WAC: variants seen among roughly 807,000 people sequenced by gnomAD.
The protein encoded by WAC is WW domain containing adaptor with coiled-coil.
Under a neutral mutation model 79.6 loss-of-function variants are expected in WAC, and 11 were observed. The observed-to-expected ratio is 0.14, with a 90% confidence interval of 0.09 to 0.23. WAC has a LOEUF of 0.23. Ranked by LOEUF, WAC falls within the 10% of genes least tolerant of loss-of-function variation. WAC has a pLI of 1.00. For synonymous variants in WAC, 304 were observed against 276.9 expected (o/e 1.10, Z -0.97); for missense variants, 728 against 773.5 (o/e 0.94, Z 0.70).
intron 3 of WAC, among the ~76,000 whole-genome samples, chr10:28,536,522 T>A (rs1836685480): frequency 6.6e-6 from 1 of 152,212 alleles, no homozygotes; most frequent in Non-Finnish European, 1.5e-5. Context: ...AAAAAATTAT[T>A]TATGACTTAG....
intron 3 of WAC, among the ~76,000 whole-genome samples, chr10:28,545,012 G>T (rs534589431): frequency 7.0e-6 from 1 of 142,978 alleles, no homozygotes; most frequent in South Asian, 2.2e-4. Flanking sequence ...CTGCACTCCA[G>T]CCTGGGTGAC....
At chr10:28,566,233 ATGTT>A (rs368064816) in intron 3 of WAC, among the ~76,000 whole-genome samples, 41 of 152,192 alleles carry the variant, frequency 2.7e-4, no homozygotes, top group East Asian at 2.1e-3. Context: ...AATAAATTAA[ATGTT>A]TGTTAAGTGA....
chr10:28,557,504 TGAACATAGTGAGACCTTG>T (rs2132463763), intron 3 of WAC, among the ~76,000 whole-genome samples: 1 of 152,202 alleles, frequency 6.6e-6, no homozygotes, highest in East Asian at 1.9e-4. Context: ...AAGACCCACC[TGAACATAGTGAGACCTTG>T]TCTCTACAAA....
intron 3 of WAC, among the ~76,000 whole-genome samples, chr10:28,579,152 A>G (rs901806736): frequency 2.0e-5 from 3 of 151,910 alleles, no homozygotes; most frequent in Non-Finnish European, 4.4e-5. Flanking sequence ...ACTCACTGAT[A>G]CAGTATTTCT....
At chr10:28,611,671 G>A (rs1032448861) in intron 9 of WAC, 103 bp from the exon 10 acceptor site, 9 of 1,436,650 alleles carry the variant, frequency 6.3e-6, no homozygotes, top group Non-Finnish European at 3.8e-6. Flanking sequence ...GGGTGGGGGG[G>A]TTTAGAGTAA....
At chr10:28,599,216 CAACT>C (rs1236030926) in intron 7 of WAC, among the ~76,000 whole-genome samples, 1 of 152,078 alleles carries the variant, frequency 6.6e-6, no homozygotes, top group African/African-American at 2.4e-5. Flanking sequence ...TTTTTCTTAA[CAACT>C]AAATAATTTA....
intron 7 of WAC, among the ~76,000 whole-genome samples, chr10:28,604,842 A>G (rs1034701414): frequency 4.7e-4 from 71 of 152,172 alleles, no homozygotes; most frequent in African/African-American, 1.6e-3. Context: ...GTGTAAGGGC[A>G]CTCCAAACCA....
At chr10:28,567,216 TTATCTA>T (rs1412384616) in intron 3 of WAC, among the ~76,000 whole-genome samples, 12 of 151,944 alleles carry the variant, frequency 7.9e-5, no homozygotes, top group Non-Finnish European at 2.9e-5. Context: ...TGGGGGGACT[TTATCTA>T]AAGTTTTTGG....
chr10:28,609,926 C>CTTTTT (rs35905966), intron 8 of WAC, among the ~76,000 whole-genome samples: 8 of 115,674 alleles, frequency 6.9e-5, no homozygotes, highest in African/African-American at 2.7e-4. Context: ...TTCCTAAATA[C>CTTTTT]TTTTTTTTTT....
At chr10:28,585,168 C>A (rs1012636292) in intron 4 of WAC, among the ~76,000 whole-genome samples, 2 of 152,108 alleles carry the variant, frequency 1.3e-5, no homozygotes, top group Non-Finnish European at 2.9e-5. Context: ...TCAGGTAACA[C>A]ATACAGTAAT....
At chr10:28,556,528 T>G (rs1315686790) in intron 3 of WAC, among the ~76,000 whole-genome samples, 1 of 151,806 alleles carries the variant, frequency 6.6e-6, no homozygotes, top group Non-Finnish European at 1.5e-5. Flanking sequence ...TTTGTTGATT[T>G]TTTTCTTTTT....
chr10:28,575,054 A>T (rs762797617), intron 3 of WAC, among the ~76,000 whole-genome samples: 23 of 152,196 alleles, frequency 1.5e-4, no homozygotes, highest in Non-Finnish European at 2.2e-4. Context: ...GTACTTGTTT[A>T]TTATTAGTAT....
chr10:28,536,015 G>T, intron 3 of WAC: 1 of 227,550 alleles, frequency 4.4e-6, no homozygotes, highest in Non-Finnish European at 8.6e-6. Flanking sequence ...GCCGAGGCGG[G>T]CAGATCACCT....
rs773667475 is a variant in WAC at position 28,596,069 on chromosome 10, G to A, written c.919+28G>A. ...ATGCCATTATTACTAGATGCTGCAC[G>A]TTGAACTATAGTTTCTAAGTTTCTT... On this transcript the variant is annotated intron_variant, in intron 7 of 13. Coordinates refer to ENST00000354911, the MANE Select transcript of WAC (RefSeq NM_016628.5). 3.7e-5 allele frequency: 59 copies of A among 1,588,968 alleles called. 1 individual carries two copies. Among genetic ancestry groups the A allele is most frequent in the Middle Eastern group, 1.7e-4 (1 of 5,956 alleles).
rs532442213 is a variant in WAC, at chr10:28,582,146, T to C, written c.275-1253T>C. On this transcript the variant is annotated intron_variant, in intron 3 of 13. Transcript: ENST00000354911. ...AGTTTCCATTATAAGCAGACCCTTATCTGAGGGTAAATCTTGGCCATTGCC... is the reference window on the plus strand; with the variant it reads ...AGTTTCCATTATAAGCAGACCCTTACCTGAGGGTAAATCTTGGCCATTGCC... Among the ~76,000 whole-genome samples, 16 of 152,342 alleles carry C rather than the reference T, an allele frequency of 1.1e-4. No homozygotes were observed. The South Asian group carries it at 3.3e-3, about 32-fold the overall frequency.
In WAC at chr10:28,590,740, C is replaced by A; in HGVS notation, c.518C>A (p.Ala173Glu). 1 of 1,606,390 alleles carries A rather than the reference C, an allele frequency of 6.2e-7. No individual in the cohort carries two copies. Among genetic ancestry groups the A allele is most frequent in the Admixed American group, 1.7e-5 (1 of 58,826 alleles). Reference sequence around the variant, plus strand: ...TTTAGAGAACAGAGACAAAAAGAAGCAAACAAGATGGCAGTCAACAGCTTC... The same window carrying A: ...TTTAGAGAACAGAGACAAAAAGAAGAAAACAAGATGGCAGTCAACAGCTTC... ...WLEREQRQKE[A>E]NKMAVNSFPK... Residue 173 changes from alanine (A) to glutamate (E), a missense_variant, in exon 6 of 14, where the codon GCA becomes GAA. Ala to Glu is a moderately radical substitution (Grantham distance 107). Around this residue, in one of 3 missense-constraint regions of WAC, gnomAD observed 648 missense variants for 661.5 expected, o/e 0.98. Transcript: ENST00000354911.
intron 3 of WAC, among the ~76,000 whole-genome samples, chr10:28,542,790 A>C (rs574986988): frequency 6.6e-6 from 1 of 152,246 alleles, no homozygotes; most frequent in Non-Finnish European, 1.5e-5. Flanking sequence ...GAAAATACAC[A>C]TAAGTGGGAA....
chr10:28,571,900 A>C (rs1006664194), intron 3 of WAC, among the ~76,000 whole-genome samples: 1 of 152,214 alleles, frequency 6.6e-6, no homozygotes, highest in East Asian at 1.9e-4. Flanking sequence ...TTAGAATCTT[A>C]TTATAATTTG....
intron 13 of WAC, among the ~76,000 whole-genome samples, chr10:28,618,282 G>T (rs1215698831): frequency 1.3e-5 from 2 of 152,064 alleles, no homozygotes; most frequent in African/African-American, 4.8e-5. Flanking sequence ...AATAGCATAG[G>T]TATTATTTTT....
Sources: allele counts gnomAD v4.1 joint callset (sites outside exome capture counted in the v4.1 genomes callset), GRCh38; gene constraint gnomAD v4.1.1; regional missense constraint gnomAD v4.1.1; transcripts MANE v1.5; gene names NCBI Gene and HGNC (gene_info 2026-07-23, HGNC 2026-07-21).